DNAH8: variants seen among roughly 807,000 people sequenced by gnomAD.
DNAH8 encodes dynein axonemal heavy chain 8, also known as axonemal beta dynein heavy chain 8.
A neutral mutation model predicts 562.1 loss-of-function variants in DNAH8; 382 were observed. That is an observed-to-expected ratio of 0.68 (90% CI 0.63 to 0.74). DNAH8 has a LOEUF of 0.74. Ranked by LOEUF, DNAH8 falls within the 30% of genes least tolerant of loss-of-function variation. DNAH8 has a pLI of 0.00. For missense variants in DNAH8, 5,203 were observed against 5,620.4 expected (o/e 0.93, Z 2.37); for synonymous variants, 1,881 against 1,919.4 (o/e 0.98, Z 0.52).
At chr6:38,929,082 A>G (rs904126658) in intron 74 of DNAH8, among the ~76,000 whole-genome samples, 1 of 152,196 alleles carries the variant, frequency 6.6e-6, no homozygotes, top group Non-Finnish European at 1.5e-5. Flanking sequence ...CATTTCTGAC[A>G]TTCTTATGTT....
Position 38,837,939 on chromosome 6 carries a change from C to T in DNAH8, c.4366-3C>T, listed in dbSNP as rs1392425176. 1 of 1,600,024 alleles carries T rather than the reference C, an allele frequency of 6.2e-7. No individual in the cohort carries two copies. On this transcript the variant is annotated splice_polypyrimidine_tract_variant and splice_region_variant and intron_variant, in intron 32 of 92. Transcript: ENST00000327475. ...TAGTACAATTTAAAAACCTTTGTTA[C>T]AGGCCAGTTTCGATGATCTGTGGAG...
chr6:38,795,405 C>T (rs1443158376), intron 21 of DNAH8, among the ~76,000 whole-genome samples: 1 of 152,058 alleles, frequency 6.6e-6, no homozygotes, highest in East Asian at 1.9e-4. Flanking sequence ...CGGTGAAACC[C>T]CGTCTCTACT....
rs754117748 is a variant in DNAH8 at position 38,815,557 on chromosome 6, G to C, written c.3423G>C (p.Trp1141Cys). Residue 1141 changes from tryptophan to cysteine, a missense_variant, in exon 26 of 93, where the codon TGG becomes TGC. Transcript: ENST00000327475. ...AGGTCAGCAGAGGAGTGGCTCACTG[G>C]GGGCAACAGCAAATCCGTCCCATCA... The part of the protein sequence containing the change: ...TLEVSRGVAH[W>C]GQQQIRPIKS... 1 of 1,614,010 alleles carries C rather than the reference G, an allele frequency of 6.2e-7. No individual in the cohort carries two copies. Among genetic ancestry groups the C allele is most frequent in the Admixed American group, 1.7e-5 (1 of 60,010 alleles).
At chr6:38,782,876 A>T in intron 16 of DNAH8, 128 bp from the exon 17 acceptor site, 1 of 821,568 alleles carries the variant, frequency 1.2e-6, no homozygotes, top group Non-Finnish European at 1.9e-6. Flanking sequence ...TCTCTGTTTT[A>T]CTGTGAGGCA....
At chr6:38,871,631 T>G (rs1777472687) in intron 49 of DNAH8, among the ~76,000 whole-genome samples, 2 of 152,062 alleles carry the variant, frequency 1.3e-5, no homozygotes, top group Admixed American at 6.5e-5. Flanking sequence ...ACTTCTTAAT[T>G]TTTTTAATGA....
intron 85 of DNAH8, among the ~76,000 whole-genome samples, chr6:38,975,659 T>G (rs1203064411): frequency 6.6e-6 from 1 of 152,218 alleles, no homozygotes; most frequent in African/African-American, 2.4e-5. Flanking sequence ...GTGGTTATCT[T>G]TACTAAGTTC....
intron 10 of DNAH8, among the ~76,000 whole-genome samples, chr6:38,759,278 A>G (rs1766251918): frequency 6.6e-6 from 1 of 152,004 alleles, no homozygotes; most frequent in African/African-American, 2.4e-5. Flanking sequence ...ATGGCACTCC[A>G]GCCTAGGCAA....
intron 43 of DNAH8, 150 bp from the exon 44 acceptor site, chr6:38,862,130 T>A: frequency 1.6e-6 from 1 of 616,530 alleles, no homozygotes; most frequent in South Asian, 2.7e-5. Flanking sequence ...GAATATCAAG[T>A]ACCCTAACCT....
At chr6:38,926,822 C>T (rs1782162382) in intron 74 of DNAH8, among the ~76,000 whole-genome samples, 1 of 152,198 alleles carries the variant, frequency 6.6e-6, no homozygotes, top group Non-Finnish European at 1.5e-5. Context: ...TCTACCTCCA[C>T]TTATATCCTA....
rs562852660 is a variant in DNAH8, at chr6:38,827,733, CTTTTTT to C, written c.4084-418_4084-413del. ...TGCAAAAGCTTAATTCTTTACCAAA[CTTTTTT>C]TTTTTTTTTTTTTTTTTTTTTTTTT... On this transcript the variant is annotated intron_variant, in intron 29 of 92. Coordinates refer to ENST00000327475, the MANE Select transcript of DNAH8 (RefSeq NM_001206927.2). Among the ~76,000 whole-genome samples, 97 of 52,240 alleles carry C rather than the reference CTTTTTT, an allele frequency of 1.9e-3. 28 individuals carry two copies. The highest frequency in any genetic ancestry group is 3.8e-3 in the East Asian group (8 of 2,104). The allele number at this position is 52,240 out of a possible 152,430, so 34.3% of individuals were successfully genotyped here.
At chr6:38,865,765 G>GGGCTC (rs1460120729) in intron 45 of DNAH8, among the ~76,000 whole-genome samples, 1 of 152,208 alleles carries the variant, frequency 6.6e-6, no homozygotes, top group African/African-American at 2.4e-5. Flanking sequence ...GCTTGCAGGT[G>GGGCTC]GGCTCCTGTG....
chr6:38,896,300 C>T, intron 60 of DNAH8, 75 bp downstream of exon 60: 1 of 1,242,760 alleles, frequency 8.0e-7, no homozygotes, highest in Non-Finnish European at 1.1e-6. Context: ...CACCAGAGTC[C>T]TACCATGGAG....
rs1767604444 is a variant in DNAH8, at chr6:39,030,521, G to T, written c.*129G>T. The T allele has an allele frequency of 2.5e-6, 2 of 806,214 alleles. No homozygotes were observed. Among genetic ancestry groups the T allele is most frequent in the South Asian group, 3.8e-5 (2 of 52,258 alleles). 49.9% of individuals were successfully genotyped at this position (806,214 alleles called of 1,614,324 possible). On this transcript the variant is annotated 3_prime_UTR_variant, in exon 93 of 93. Transcript: ENST00000327475. ...ACTCTTTCTACATTAAAAAGTTGATGTTCTAAAATTGCTAGTGCGTGTGTG... is the reference window on the plus strand; with the variant it reads ...ACTCTTTCTACATTAAAAAGTTGATTTTCTAAAATTGCTAGTGCGTGTGTG...
At chr6:38,806,843 G>T (rs1327739594) in intron 23 of DNAH8, among the ~76,000 whole-genome samples, 1 of 152,044 alleles carries the variant, frequency 6.6e-6, no homozygotes. Context: ...TAGCTTGATA[G>T]TTCACTAGCC....
At chr6:38,887,756 C>T (rs772677908) in intron 57 of DNAH8, among the ~76,000 whole-genome samples, 5 of 151,512 alleles carry the variant, frequency 3.3e-5, no homozygotes, top group East Asian at 1.9e-4. Flanking sequence ...CTTACATACA[C>T]GAGAAACAGA....
At chr6:38,729,856 A>T (rs1238072362) in intron 3 of DNAH8, 46 bp from the exon 4 acceptor site, 1 of 1,040,612 alleles carries the variant, frequency 9.6e-7, no homozygotes, top group Non-Finnish European at 1.4e-6. Context: ...AATACTAAGA[A>T]TTTTTCCTTA....
chr6:38,792,098 T>C (rs1769811572), intron 21 of DNAH8, among the ~76,000 whole-genome samples: 1 of 152,214 alleles, frequency 6.6e-6, no homozygotes, highest in Non-Finnish European at 1.5e-5. Context: ...CCAGGACTTT[T>C]TTTTTTGAGA....
intron 21 of DNAH8, among the ~76,000 whole-genome samples, chr6:38,797,753 A>G (rs1237670158): frequency 2.0e-5 from 3 of 152,184 alleles, no homozygotes; most frequent in African/African-American, 7.2e-5. Context: ...CCCGCTGCAC[A>G]TATTTCCCAC....
chr6:38,983,835 A>T (rs1764190388), intron 86 of DNAH8, among the ~76,000 whole-genome samples: 1 of 152,214 alleles, frequency 6.6e-6, no homozygotes, highest in African/African-American at 2.4e-5. Flanking sequence ...TAAAGCAATG[A>T]TTACTTGATT....
Sources: allele counts gnomAD v4.1 joint callset (sites outside exome capture counted in the v4.1 genomes callset), GRCh38; gene constraint gnomAD v4.1.1; transcripts MANE v1.5; gene names NCBI Gene and HGNC (gene_info 2026-07-23, HGNC 2026-07-21).